The following GRIP1 variants were observed in gnomAD, a reference collection of about 807,000 sequenced individuals.
The protein encoded by GRIP1 is glutamate receptor interacting protein 1.
In GRIP1, 45 loss-of-function variants were observed where a neutral mutation model predicts 129.9. The observed-to-expected ratio is 0.35, with a 90% confidence interval of 0.27 to 0.44. GRIP1 has a LOEUF of 0.44. Ranked by LOEUF, GRIP1 falls within the 20% of genes least tolerant of loss-of-function variation. The pLI, the probability that GRIP1 is intolerant of heterozygous loss-of-function variation, is 1.00. For synonymous variants in GRIP1, 530 were observed against 520.8 expected (o/e 1.02, Z -0.24); for missense variants, 1,196 against 1,396.8 (o/e 0.86, Z 2.29).
chr12:66,946,068 A>G (rs1225608738), intron 1 of GRIP1, among the ~76,000 whole-genome samples: 1 of 152,206 alleles, frequency 6.6e-6, no homozygotes, highest in Non-Finnish European at 1.5e-5. Context: ...GTGGTGAGCA[A>G]GAGAGGTTAC....
rs1277251087 is a variant in GRIP1 at position 66,594,830 on chromosome 12, C to G, written c.136+2017G>C. Among the ~76,000 whole-genome samples the G allele has an allele frequency of 1.3e-5, 2 of 152,198 alleles. 1 individual carries two copies. The highest frequency in any genetic ancestry group is 2.9e-5 in the Non-Finnish European group (2 of 68,024). On this transcript the variant is annotated intron_variant, in intron 2 of 24. Transcript: ENST00000359742. The stretch of plus-strand genomic sequence containing the variant: ...TTGGGTTTCACCTCTCTTTAAGTTA[C>G]TTCTTGGCCAAAGATCTGAGAATAC...
intron 24 of GRIP1, among the ~76,000 whole-genome samples, chr12:66,350,748 T>G (rs1366653615): frequency 6.6e-6 from 1 of 152,180 alleles, no homozygotes; most frequent in Non-Finnish European, 1.5e-5. Context: ...AGCTGTCTTA[T>G]CTTACCTACC....
At chr12:66,389,018 C>T (rs933059683) in intron 19 of GRIP1, among the ~76,000 whole-genome samples, 1 of 151,998 alleles carries the variant, frequency 6.6e-6, no homozygotes, top group Admixed American at 6.6e-5. Context: ...GATTTCCAGC[C>T]CCAGGAGGAA....
chr12:66,912,562 T>G (rs1358178321), intron 1 of GRIP1, among the ~76,000 whole-genome samples: 7 of 152,166 alleles, frequency 4.6e-5, no homozygotes, highest in African/African-American at 1.7e-4. Flanking sequence ...AACAAATATT[T>G]TATTACTATA....
intron 1 of GRIP1, among the ~76,000 whole-genome samples, chr12:67,041,171 A>C (rs748507942): frequency 1.2e-4 from 19 of 152,114 alleles, no homozygotes; most frequent in Non-Finnish European, 1.5e-4. Flanking sequence ...CTCTCTCTCT[A>C]TATGTACACA....
At position 66,708,195 on chromosome 12, in the gene GRIP1, T is replaced by C. The variant is rs578158751; in HGVS notation, c.-419-77859A>G. On this transcript the variant is annotated intron_variant, in intron 1 of 4. Transcript: ENST00000538373. Reference sequence around the variant, plus strand: ...TGGGACACATGGATTTCACAGCATATGCACACAGTAGGGAGAATGGAATGA... The same window carrying C: ...TGGGACACATGGATTTCACAGCATACGCACACAGTAGGGAGAATGGAATGA... Among the ~76,000 whole-genome samples the C allele has an allele frequency of 1.3e-4, 20 of 152,118 alleles. 1 individual carries two copies. The South Asian group carries it at 3.7e-3, about 28-fold the overall frequency.
chr12:66,359,824 G>A (rs1183866013), intron 23 of GRIP1, among the ~76,000 whole-genome samples: 1 of 152,166 alleles, frequency 6.6e-6, no homozygotes, highest in South Asian at 2.1e-4. Flanking sequence ...AGCACAGGGG[G>A]CTGTTCTCAA....
At chr12:66,552,221 C>A (rs1311386329) in intron 2 of GRIP1, among the ~76,000 whole-genome samples, 1 of 152,128 alleles carries the variant, frequency 6.6e-6, no homozygotes, top group Non-Finnish European at 1.5e-5. Context: ...GGATAAACTT[C>A]AACAAGAAAT....
intron 1 of GRIP1, among the ~76,000 whole-genome samples, chr12:66,907,228 A>T (rs926550553): frequency 2.6e-5 from 4 of 152,188 alleles, no homozygotes; most frequent in African/African-American, 9.7e-5. Flanking sequence ...GCTAGTGGGG[A>T]GGAGAACTTT....
intron 1 of GRIP1, among the ~76,000 whole-genome samples, chr12:66,991,389 T>C (rs1170596283): frequency 2.0e-5 from 3 of 152,198 alleles, no homozygotes; most frequent in African/African-American, 7.2e-5. Flanking sequence ...AGACACGGCT[T>C]CATTTGCAAA....
At chr12:66,905,410 G>A (rs1031243517) in intron 1 of GRIP1, among the ~76,000 whole-genome samples, 29 of 152,298 alleles carry the variant, frequency 1.9e-4, no homozygotes, top group African/African-American at 6.5e-4. Context: ...TCAGTAGTTG[G>A]GCAGGGCAGA....
intron 5 of GRIP1, among the ~76,000 whole-genome samples, chr12:66,522,779 G>A (rs1204287392): frequency 1.3e-5 from 2 of 151,690 alleles, no homozygotes; most frequent in Non-Finnish European, 2.9e-5. Context: ...TAAAAACTTT[G>A]AAAAAAAATT....
At chr12:66,819,448 T>C (rs1161408379) in intron 1 of GRIP1, among the ~76,000 whole-genome samples, 1 of 152,228 alleles carries the variant, frequency 6.6e-6, no homozygotes, top group East Asian at 1.9e-4. Flanking sequence ...GAAATCATGA[T>C]ACAAATACAT....
chr12:66,451,090 C>G (rs540741524), intron 11 of GRIP1, among the ~76,000 whole-genome samples: 1 of 152,266 alleles, frequency 6.6e-6, no homozygotes, highest in African/African-American at 2.4e-5. Context: ...GACATCCTAA[C>G]TGGTGTATGC....
chr12:66,685,585 G>A (rs1318667551), intron 1 of GRIP1, among the ~76,000 whole-genome samples: 1 of 152,164 alleles, frequency 6.6e-6, no homozygotes, highest in African/African-American at 2.4e-5. Flanking sequence ...TATAGCGGTG[G>A]TGGGCTTATG....
intron 1 of GRIP1, among the ~76,000 whole-genome samples, chr12:67,000,576 A>T (rs542018288): frequency 2.5e-4 from 38 of 152,230 alleles, no homozygotes; most frequent in Non-Finnish European, 4.6e-4. Context: ...TTTGCACTCT[A>T]ATTTAGATTG....
intron 1 of GRIP1, among the ~76,000 whole-genome samples, chr12:66,662,123 A>C (rs1406485278): frequency 1.3e-5 from 2 of 152,152 alleles, no homozygotes; most frequent in African/African-American, 4.8e-5. Context: ...AAGCATTTTC[A>C]GGGTTCTGCG....
chr12:66,350,988 CTATT>C (rs2054197132), intron 24 of GRIP1, among the ~76,000 whole-genome samples: 1 of 152,256 alleles, frequency 6.6e-6, no homozygotes, highest in African/African-American at 2.4e-5. Context: ...AGAGCTAGCT[CTATT>C]TATGGATTAG....
At chr12:66,572,590 T>C (rs1156907841) in intron 2 of GRIP1, among the ~76,000 whole-genome samples, 2 of 152,128 alleles carry the variant, frequency 1.3e-5, no homozygotes, top group Admixed American at 6.5e-5. Flanking sequence ...CTCAGGACAA[T>C]GCTGAAGGAG....
Sources: allele counts gnomAD v4.1 joint callset (sites outside exome capture counted in the v4.1 genomes callset), GRCh38; gene constraint gnomAD v4.1.1; transcripts MANE v1.5; gene names NCBI Gene and HGNC (gene_info 2026-07-23, HGNC 2026-07-21).